TENM4: variants seen among roughly 807,000 people sequenced by gnomAD.
The protein encoded by TENM4 is teneurin-4.
TENM4 carries 82 observed loss-of-function variants against 243.3 expected under a neutral mutation model. The ratio of observed to expected loss-of-function variants is 0.34; its 90% CI spans 0.28 to 0.40. The LOEUF (loss-of-function observed/expected upper bound fraction) is 0.40, where lower values mean the gene tolerates loss of function less well. TENM4 is among the 10% of genes least tolerant of loss of function. The pLI, the probability that TENM4 is intolerant of heterozygous loss-of-function variation, is 1.00. For synonymous variants in TENM4, 1,412 were observed against 1,456.3 expected, an observed-to-expected ratio of 0.97 and a Z score of 0.69; for missense variants, 3,138 against 3,673.3, an observed-to-expected ratio of 0.85 and a Z score of 3.77.
rs564170409 is a variant in TENM4, at chr11:78,708,028, T to G, written c.4209+333A>C. Among the ~76,000 whole-genome samples the G allele has an allele frequency of 1.1e-3, 172 of 152,336 alleles. 1 individual carries two copies. Among genetic ancestry groups the G allele is most frequent in the African/African-American group, 3.9e-3 (164 of 41,568 alleles). On this transcript the variant is annotated intron_variant, in intron 27 of 33. Transcript: ENST00000278550. ...AGAACAGGCAATGTACAAATACCCA[T>G]CAGTGTTACCAAAGAGGAAGTTCAG... is the stretch of plus-strand genomic sequence containing the variant.
At chr11:79,298,378 G>A (rs1039424088) in intron 1 of TENM4, among the ~76,000 whole-genome samples, 1 of 151,294 alleles carries the variant, frequency 6.6e-6, no homozygotes, top group Non-Finnish European at 1.5e-5. Flanking sequence ...AGCCGGGCGC[G>A]GTGGCGGGCG....
At chr11:78,824,154 T>C (rs1233485664) in intron 12 of TENM4, among the ~76,000 whole-genome samples, 1 of 152,154 alleles carries the variant, frequency 6.6e-6, no homozygotes, top group Non-Finnish European at 1.5e-5. Flanking sequence ...TAGTCTGTCC[T>C]CATGTTGCTA....
At chr11:79,304,696 C>T (rs767816682) in intron 1 of TENM4, among the ~76,000 whole-genome samples, 10 of 152,168 alleles carry the variant, frequency 6.6e-5, no homozygotes, top group Non-Finnish European at 1.2e-4. Flanking sequence ...ACCAACCTAC[C>T]GTGGCTTAGT....
chr11:79,234,015 C>T (rs1864419038), intron 2 of TENM4, among the ~76,000 whole-genome samples: 1 of 152,194 alleles, frequency 6.6e-6, no homozygotes, highest in African/African-American at 2.4e-5. Flanking sequence ...GCAAAGAGCA[C>T]AGAGTTTGGA....
At chr11:79,379,917 G>A (rs59798793) in intron 1 of TENM4, among the ~76,000 whole-genome samples, 15,617 of 152,196 alleles carry the variant, frequency 0.1, 980 homozygotes, top group African/African-American at 0.17. Flanking sequence ...GGGAGAGACT[G>A]GCTTGTCAGG....
At chr11:79,397,575 A>G (rs1398189161) in intron 1 of TENM4, among the ~76,000 whole-genome samples, 1 of 152,194 alleles carries the variant, frequency 6.6e-6, no homozygotes, top group Non-Finnish European at 1.5e-5. Flanking sequence ...GGTAACTGCC[A>G]CTCATGGTCA....
chr11:79,051,350 G>A (rs1859786180), intron 6 of TENM4, among the ~76,000 whole-genome samples: 1 of 152,208 alleles, frequency 6.6e-6, no homozygotes, highest in Non-Finnish European at 1.5e-5. Context: ...CAGCTAATAA[G>A]TGGAAGTGCT....
rs556220377 is a variant in TENM4 at position 78,943,642 on chromosome 11, G to A, written c.494-40119C>T. ...TAAAAACCATTTTTTTTTCTAGTAGGGAAATGTACCTAGATCTTTAGTGAT... is the reference window on the plus strand; with the variant it reads ...TAAAAACCATTTTTTTTTCTAGTAGAGAAATGTACCTAGATCTTTAGTGAT... On this transcript the variant is annotated intron_variant, in intron 6 of 33. Transcript: ENST00000278550. Among the ~76,000 whole-genome samples, 12 of 152,068 alleles carry A rather than the reference G, an allele frequency of 7.9e-5. No homozygotes were observed. The East Asian group carries it at 2.3e-3, about 29-fold the overall frequency.
At chr11:79,363,614 A>T (rs1857627688) in intron 1 of TENM4, among the ~76,000 whole-genome samples, 1 of 152,166 alleles carries the variant, frequency 6.6e-6, no homozygotes, top group Non-Finnish European at 1.5e-5. Context: ...AATGTGTGTA[A>T]AGTGTCCAGC....
At chr11:79,032,547 G>A (rs949237808) in intron 6 of TENM4, among the ~76,000 whole-genome samples, 4 of 152,180 alleles carry the variant, frequency 2.6e-5, no homozygotes, top group African/African-American at 9.6e-5. Context: ...GTGTGTGATA[G>A]GCATGAATGA....
intron 1 of TENM4, among the ~76,000 whole-genome samples, chr11:79,334,509 G>T (rs1724618082): frequency 6.6e-6 from 1 of 152,122 alleles, no homozygotes; most frequent in South Asian, 2.1e-4. Context: ...CCTTTCCATG[G>T]CTGCCCAGCA....
chr11:79,184,794 C>T (rs571144382), intron 3 of TENM4, among the ~76,000 whole-genome samples: 13 of 152,012 alleles, frequency 8.6e-5, no homozygotes, highest in Non-Finnish European at 1.5e-4. Context: ...TGGAGATGGA[C>T]GGTTGTACAA....
chr11:79,163,598 G>C (rs1000800698), intron 3 of TENM4, among the ~76,000 whole-genome samples: 4 of 151,522 alleles, frequency 2.6e-5, no homozygotes, highest in African/African-American at 9.7e-5. Flanking sequence ...ATGCCTTTGC[G>C]CCCTCATAGC....
intron 32 of TENM4, among the ~76,000 whole-genome samples, chr11:78,662,233 C>T (rs1000224560): frequency 1.3e-5 from 2 of 151,156 alleles, no homozygotes; most frequent in African/African-American, 2.4e-5. Context: ...GCTCTGTCAC[C>T]GAGGCTGGAG....
chr11:79,203,811 T>C (rs1863794105), intron 3 of TENM4, among the ~76,000 whole-genome samples: 1 of 152,202 alleles, frequency 6.6e-6, no homozygotes, highest in Non-Finnish European at 1.5e-5. Flanking sequence ...TATGTGACTA[T>C]CATCTCTCTC....
At chr11:78,672,877 C>T (rs112790488) in intron 30 of TENM4, among the ~76,000 whole-genome samples, 4 of 152,136 alleles carry the variant, frequency 2.6e-5, no homozygotes, top group Admixed American at 6.5e-5. Context: ...CTGAGCAATT[C>T]GTGGCCTTCT....
chr11:78,845,979 G>A (rs558042109), intron 12 of TENM4, among the ~76,000 whole-genome samples: 20 of 152,272 alleles, frequency 1.3e-4, no homozygotes, highest in Non-Finnish European at 2.9e-4. Context: ...AGCACACTGT[G>A]AGCCTAGGAG....
intron 2 of TENM4, among the ~76,000 whole-genome samples, chr11:79,258,944 C>T (rs527666623): frequency 2.6e-5 from 4 of 152,216 alleles, no homozygotes; most frequent in Non-Finnish European, 5.9e-5. Flanking sequence ...CCTGGCCCCC[C>T]CCACCTACTA....
intron 6 of TENM4, among the ~76,000 whole-genome samples, chr11:79,009,985 A>G (rs924984847): frequency 6.6e-6 from 1 of 152,042 alleles, no homozygotes; most frequent in Non-Finnish European, 1.5e-5. Context: ...ACAGTTTTAT[A>G]TAGGAGAGTT....
Sources: gnomAD v4.1 joint callset for allele counts (sites outside exome capture counted in the v4.1 genomes callset) on GRCh38, gnomAD v4.1.1 for gene constraint, MANE v1.5 for transcripts, NCBI Gene and HGNC (gene_info 2026-07-23, HGNC 2026-07-21) for gene names.